ZNF18: variants seen among roughly 807,000 people sequenced by gnomAD.
The protein encoded by ZNF18 is zinc finger protein 18, also known as heart development-specific gene 1 protein.
Under a neutral mutation model 58.1 loss-of-function variants are expected in ZNF18, and 42 were observed. That is an observed-to-expected ratio of 0.72 (90% confidence interval 0.56 to 0.93). The LOEUF is 0.93. Among genes scored for constraint, ZNF18 ranks in the 40% least tolerant of loss-of-function variants. The pLI, the probability that ZNF18 is intolerant of heterozygous loss-of-function variation, is 0.00. For missense variants in ZNF18, 540 were observed against 644.2 expected, an observed-to-expected ratio of 0.84 and a Z score of 1.75; for synonymous variants, 231 against 239.8, an observed-to-expected ratio of 0.96 and a Z score of 0.34.
At chr17:11,992,340 C>G (rs1386124635) in intron 2 of ZNF18, 103 bp downstream of exon 2, 12 of 1,454,316 alleles carry the variant, frequency 8.3e-6, no homozygotes, top group Non-Finnish European at 1.1e-5. Context: ...AAAAGCCCCA[C>G]CCATTTTGTG....
the ZNF18 span, among the ~76,000 whole-genome samples, chr17:12,020,036 C>A: frequency 1.3e-5 from 2 of 152,110 alleles, no homozygotes; most frequent in Non-Finnish European, 2.9e-5. Flanking sequence ...AGTCTCTGTG[C>A]AAAGCAATGG....
At chr17:12,002,834 G>A in the ZNF18 span, among the ~76,000 whole-genome samples, 4 of 152,248 alleles carry the variant, frequency 2.6e-5, no homozygotes, top group Non-Finnish European at 4.4e-5. Flanking sequence ...AGAAAGATTC[G>A]GATTGACTCA....
the ZNF18 span, among the ~76,000 whole-genome samples, chr17:12,007,037 ATTTTG>A: frequency 6.6e-6 from 1 of 151,974 alleles, no homozygotes; most frequent in Non-Finnish European, 1.5e-5. Context: ...GTTTTATTTT[ATTTTG>A]TTTTGTTTTG....
intron 4 of ZNF18, among the ~76,000 whole-genome samples, chr17:11,986,380 T>C (rs1967743857): frequency 6.6e-6 from 1 of 152,082 alleles, no homozygotes; most frequent in African/African-American, 2.4e-5. Context: ...CAAAGGGAAG[T>C]GGAAATGGCT....
chr17:12,011,394 A>AT, the ZNF18 span: 72 of 173,978 alleles, frequency 4.1e-4, no homozygotes, highest in South Asian at 1.2e-3. Flanking sequence ...TTTTATTATT[A>AT]TTTTTTTTTG....
chr17:12,005,645 T>TA, the ZNF18 span, among the ~76,000 whole-genome samples: 76 of 152,324 alleles, frequency 5.0e-4, no homozygotes, highest in Admixed American at 1.8e-3. Context: ...AAACTGAATT[T>TA]AGAACCCGAC....
chr17:12,011,695 A>ATT, the ZNF18 span, among the ~76,000 whole-genome samples: 1,362 of 87,490 alleles, frequency 0.016, 27 homozygotes, highest in East Asian at 0.032. Flanking sequence ...AATGTTCTTA[A>ATT]TTTTTTTTTT....
rs750596606 is a variant in ZNF18 at position 11,990,513 on chromosome 17, C to A, written c.615G>T (p.Arg205Ser). 1.9e-6 allele frequency: 3 copies of A among 1,612,520 alleles called. No homozygotes were observed. The Admixed American group carries it at 5.0e-5, about 27-fold the overall frequency. Residue 205 changes from arginine (R) to serine (S), a missense_variant, in exon 4 of 7, where the codon AGG becomes AGT. Physicochemically the swap from Arg to Ser is moderately radical, Grantham distance 110 (BLOSUM62 -1). Coordinates refer to ENST00000580306, the MANE Select transcript of ZNF18 (RefSeq NM_001303281.2). ...AASQPARLEERLIRDQDLGAS... is the reference protein window; with the variant it reads ...AASQPARLEESLIRDQDLGAS... The stretch of plus-strand genomic sequence containing the variant: ...CTCCGAGGTCCTGGTCTCTGATCAG[C>A]CTTTCCTCCAGTCGGGCAGGCTGGG...
intron 6 of ZNF18, 41 bp from the exon 7 acceptor site, chr17:11,978,785 G>T: frequency 7.7e-7 from 1 of 1,293,730 alleles, no homozygotes; most frequent in Non-Finnish European, 1.0e-6. Context: ...CAAGTGCTAT[G>T]CCCTGTTTTC....
the ZNF18 span, chr17:12,011,111 A>G: frequency 3.0e-6 from 2 of 672,958 alleles, no homozygotes; most frequent in African/African-American, 1.8e-5. Flanking sequence ...TGTCTATAAT[A>G]TCACCTTTCT....
chr17:12,010,416 G>T, the ZNF18 span, among the ~76,000 whole-genome samples: 1 of 151,468 alleles, frequency 6.6e-6, no homozygotes, highest in Non-Finnish European at 1.5e-5. Context: ...ATTTGTTTCT[G>T]AACTTTTTTT....
chr17:11,983,195 G>C (rs1470157514), intron 6 of ZNF18, 102 bp downstream of exon 6: 1 of 791,458 alleles, frequency 1.3e-6, no homozygotes, highest in East Asian at 2.5e-5. Flanking sequence ...CAACGTAATA[G>C]AATATTCTGC....
the ZNF18 span, among the ~76,000 whole-genome samples, chr17:12,003,396 T>C: frequency 6.8e-6 from 1 of 147,436 alleles, no homozygotes; most frequent in Non-Finnish European, 1.5e-5. Context: ...GCCGAGATAG[T>C]GCTACTGCAC....
intron 6 of ZNF18, among the ~76,000 whole-genome samples, chr17:11,979,964 T>A (rs1468621287): frequency 6.6e-6 from 1 of 152,218 alleles, no homozygotes; most frequent in Non-Finnish European, 1.5e-5. Context: ...AATTTGCTTA[T>A]TGTGTTTTTG....
chr17:12,018,239 A>G, the ZNF18 span, among the ~76,000 whole-genome samples: 2 of 152,228 alleles, frequency 1.3e-5, no homozygotes, highest in Non-Finnish European at 2.9e-5. Context: ...AGCTACCACC[A>G]TTATTACTAA....
At chr17:12,000,869 T>G (rs922837781), upstream of ZNF18, among the ~76,000 whole-genome samples, 1 of 152,130 alleles carries the variant, frequency 6.6e-6, no homozygotes, top group African/African-American at 2.4e-5. Context: ...AAATCCTGAA[T>G]GGAATAAGTT....
rs760390082 is a variant in ZNF18, at chr17:11,983,371, G to A, written c.788C>T (p.Ser263Leu). ...TGCCAGCTCTTCCCCAAATTCTATT[G>A]AATTAGTCAGGTCAGATTTGGGATG... The part of the protein sequence containing the change: ...ISHPKSDLTN[S>L]IEFGEELAGI... The change falls in exon 6 of 7, where the codon TCA becomes TTA. Residue 263 changes from serine (S) to leucine (L), a missense_variant. Coordinates refer to ENST00000580306, the MANE Select transcript of ZNF18 (RefSeq NM_001303281.2). 6.2e-7 allele frequency: 1 copy of A among 1,614,028 alleles called. No homozygotes were observed. Among genetic ancestry groups the A allele is most frequent in the East Asian group, 2.2e-5 (1 of 44,872 alleles).
the ZNF18 span, among the ~76,000 whole-genome samples, chr17:12,018,712 AC>A: frequency 1.3e-5 from 2 of 152,222 alleles, no homozygotes; most frequent in East Asian, 3.8e-4. Flanking sequence ...CTCAGTTGGA[AC>A]AAATCAAAGT....
At chr17:11,993,648 G>A (rs962048276) in intron 1 of ZNF18, 7 of 151,482 alleles carry the variant, frequency 4.6e-5, no homozygotes, top group Non-Finnish European at 7.4e-5. Context: ...GTGAAACCCC[G>A]TCTCTACTAA....
Sources: gnomAD v4.1 joint callset for allele counts (sites outside exome capture counted in the v4.1 genomes callset) on GRCh38, gnomAD v4.1.1 for gene constraint, MANE v1.5 for transcripts, NCBI Gene and HGNC (gene_info 2026-07-23, HGNC 2026-07-21) for gene names.